Variants in ERC1 observed in about 807,000 individuals in gnomAD.
ERC1 encodes the protein ELKS/RAB6-interacting/CAST family member 1, also known as RAB6 interacting protein 2.
In ERC1, 56 loss-of-function variants were observed where a neutral mutation model predicts 132.0. The observed-to-expected ratio is 0.42, with a 90% CI of 0.34 to 0.53. The LOEUF (loss-of-function observed/expected upper bound fraction) is 0.53. Ranked by LOEUF, ERC1 falls within the 20% of genes least tolerant of loss-of-function variation. The pLI is 0.03. For synonymous variants in ERC1, 478 were observed against 476.1 expected (o/e 1.00, Z -0.05); for missense variants, 1,202 against 1,349.9 (o/e 0.89, Z 1.72).
At chr12:1,200,410 G>A (rs1029968101) in intron 12 of ERC1, among the ~76,000 whole-genome samples, 1 of 152,024 alleles carries the variant, frequency 6.6e-6, no homozygotes, top group Non-Finnish European at 1.5e-5. Context: ...CCTTTCGCTA[G>A]TAATCTCTCT....
rs12319684 is a variant in ERC1, at chr12:1,013,466, G to A, written c.-156-14282G>A. The stretch of plus-strand genomic sequence containing the variant: ...AAAAAGGCGAAATAGTAACTGACAA[G>A]TGTTAAGATTGCTCGTTTACAATTG... On this transcript the variant is annotated intron_variant, in intron 1 of 18. Transcript: ENST00000360905. Among the ~76,000 whole-genome samples, 1,107 of 152,130 alleles carry A rather than the reference G, an allele frequency of 7.3e-3. 19 individuals carry two copies. Among genetic ancestry groups the A allele is most frequent in the African/African-American group, 0.024 (993 of 41,480 alleles).
At chr12:1,343,331 C>T (rs899054264) in intron 15 of ERC1, among the ~76,000 whole-genome samples, 2 of 152,222 alleles carry the variant, frequency 1.3e-5, no homozygotes, top group African/African-American at 4.8e-5. Flanking sequence ...TAAATTAGTT[C>T]ATGGGTCATT....
At chr12:1,130,598 A>T (rs1431150663) in intron 7 of ERC1, among the ~76,000 whole-genome samples, 7 of 146,610 alleles carry the variant, frequency 4.8e-5, no homozygotes, top group African/African-American at 1.5e-4. Flanking sequence ...ATCAACATTA[A>T]TTTTTCAGAA....
Position 1,231,103 on chromosome 12 carries a change from T to C in ERC1, c.2352-5666T>C, listed in dbSNP as rs1377013648. 2.0e-5 allele frequency among the ~76,000 whole-genome samples: 3 copies of C among 152,076 alleles called. No homozygotes were observed. The East Asian group carries it at 5.8e-4, about 29-fold the overall frequency. ...ATTTTGTTGTTCTCTGTTTTGTAGGTCCTTTGTTCCTTTCTCTCTTGCTGC... is the reference window on the plus strand; with the variant it reads ...ATTTTGTTGTTCTCTGTTTTGTAGGCCCTTTGTTCCTTTCTCTCTTGCTGC... On this transcript the variant is annotated intron_variant, in intron 12 of 18. Transcript: ENST00000360905.
rs1594234974 is a variant in ERC1, at chr12:1,209,049, A to G, written c.2351+18997A>G. Among the ~76,000 whole-genome samples the G allele has an allele frequency of 2.8e-5, 4 of 143,796 alleles. 1 individual carries two copies. In the Admixed American group the frequency reaches 2.9e-4, roughly 10 times the overall value. 94.3% of individuals were successfully genotyped at this position (143,796 alleles called of 152,430 possible). On this transcript the variant is annotated intron_variant, in intron 12 of 18. Transcript: ENST00000360905. ...AGTGATGTGATCTCAGCTCACTGCA[A>G]CCTCTACCTCCCAGGTTCAGGCAAT...
intron 16 of ERC1, among the ~76,000 whole-genome samples, chr12:1,397,181 T>C (rs2090615505): frequency 1.3e-5 from 2 of 152,142 alleles, no homozygotes; most frequent in African/African-American, 4.8e-5. Context: ...GCTGTGCACA[T>C]TGGGAACTCT....
chr12:1,084,004 G>A (rs1173675876), intron 3 of ERC1, among the ~76,000 whole-genome samples: 1 of 152,148 alleles, frequency 6.6e-6, no homozygotes, highest in East Asian at 1.9e-4. Flanking sequence ...GCTTATAAAA[G>A]TCCTTGGCAG....
intron 15 of ERC1, among the ~76,000 whole-genome samples, chr12:1,332,889 CTTTTA>C (rs2082975561): frequency 6.6e-6 from 1 of 152,060 alleles, no homozygotes; most frequent in African/African-American, 2.4e-5. Context: ...TGTTTTAAAG[CTTTTA>C]TTTTAAGTAC....
At position 1,196,840 on chromosome 12, in the gene ERC1, C is replaced by G. The variant is rs537519860; in HGVS notation, c.2351+6788C>G. Reference sequence around the variant, plus strand: ...TCTCTCTCTCTCTCTCTGTCTGTCTCTCTGTCTGTCTCTCTCTCACTCTCT... The same window carrying G: ...TCTCTCTCTCTCTCTCTGTCTGTCTGTCTGTCTGTCTCTCTCTCACTCTCT... On this transcript the variant is annotated intron_variant, in intron 12 of 18. Coordinates refer to ENST00000360905, the MANE Select transcript of ERC1 (RefSeq NM_178040.4). Among the ~76,000 whole-genome samples the G allele has an allele frequency of 6.2e-3, 796 of 128,892 alleles. 30 individuals carry two copies. The highest frequency in any genetic ancestry group is 8.1e-3 in the Non-Finnish European group (479 of 59,360). The allele number at this position is 128,892 out of a possible 152,430, so 84.6% of individuals were successfully genotyped here. A position where few individuals can be genotyped will look rare whatever the true frequency, so the allele number is the denominator to read the frequency against.
chr12:1,490,528 C>G lies in ERC1; in HGVS notation c.*298C>G. ...TGGAGAACTGTGGGAGCTGGTGGCT[C>G]TGCCCTGACAGAGAGCCATGGAGCA... is the stretch of plus-strand genomic sequence containing the variant. On this transcript the variant is annotated 3_prime_UTR_variant, in exon 19 of 19. Transcript: ENST00000360905. 1 of 362,030 alleles carries G rather than the reference C, an allele frequency of 2.8e-6. No homozygotes were observed. Among genetic ancestry groups the G allele is most frequent in the African/African-American group, 2.0e-5 (1 of 50,838 alleles). The allele number at this position is 362,030 out of a possible 1,614,324, so 22.4% of individuals were successfully genotyped here.
chr12:1,202,427 G>A (rs1956995588), intron 12 of ERC1, among the ~76,000 whole-genome samples: 1 of 152,184 alleles, frequency 6.6e-6, no homozygotes, highest in Non-Finnish European at 1.5e-5. Flanking sequence ...GGAGGTGAAA[G>A]TGGGTGGATT....
intron 15 of ERC1, among the ~76,000 whole-genome samples, chr12:1,331,370 G>A (rs989677361): frequency 6.6e-6 from 1 of 152,142 alleles, no homozygotes; most frequent in African/African-American, 2.4e-5. Context: ...ATCATATTGG[G>A]TGACTATACA....
intron 2 of ERC1, among the ~76,000 whole-genome samples, chr12:1,069,733 A>G (rs1939975055): frequency 6.6e-6 from 1 of 152,244 alleles, no homozygotes; most frequent in Non-Finnish European, 1.5e-5. Context: ...CCTCATAATC[A>G]AACATACTAA....
chr12:1,143,583 A>G lies in ERC1; in HGVS notation c.1737+1796A>G, dbSNP rs187954671. On this transcript the variant is annotated intron_variant, in intron 8 of 18. Transcript: ENST00000360905. The stretch of plus-strand genomic sequence containing the variant: ...TACGTTTCTTTTTCAGAAGTGCCCT[A>G]GCTTTTTTTTTTTTCTTGGCTATTT... Among the ~76,000 whole-genome samples the G allele has an allele frequency of 3.3e-3, 478 of 143,236 alleles. 2 individuals carry two copies. The highest frequency in any genetic ancestry group is 7.0e-3 in the Middle Eastern group (2 of 286). The allele number at this position is 143,236 out of a possible 152,430, so 94.0% of individuals were successfully genotyped here. A position where few individuals can be genotyped will look rare whatever the true frequency, so the allele number is the denominator to read the frequency against.
chr12:1,228,170 T>C (rs188399575), intron 12 of ERC1, among the ~76,000 whole-genome samples: 2 of 152,332 alleles, frequency 1.3e-5, no homozygotes, highest in Admixed American at 1.3e-4. Flanking sequence ...TCTGTTTTTG[T>C]GAAACAATGC....
intron 2 of ERC1, among the ~76,000 whole-genome samples, chr12:1,049,307 A>G (rs1185946211): frequency 6.6e-6 from 1 of 152,244 alleles, no homozygotes; most frequent in African/African-American, 2.4e-5. Context: ...TGCTCATGGC[A>G]GATCATCTCT....
chr12:1,271,512 T>G (rs1306513879), intron 14 of ERC1, among the ~76,000 whole-genome samples: 2 of 152,204 alleles, frequency 1.3e-5, no homozygotes, highest in African/African-American at 4.8e-5. Flanking sequence ...AAAGAAATGT[T>G]AGCTACATTA....
intron 16 of ERC1, among the ~76,000 whole-genome samples, chr12:1,395,136 G>A (rs891405756): frequency 6.6e-6 from 1 of 152,204 alleles, no homozygotes; most frequent in Non-Finnish European, 1.5e-5. Context: ...TGTGAGATCT[G>A]TACTCCAAAG....
intron 15 of ERC1, among the ~76,000 whole-genome samples, chr12:1,365,884 C>T (rs940492994): frequency 6.6e-6 from 1 of 152,120 alleles, no homozygotes; most frequent in African/African-American, 2.4e-5. Flanking sequence ...GAATATTACT[C>T]AGCCTTGAAA....
Sources: gnomAD v4.1 joint callset for allele counts (sites outside exome capture counted in the v4.1 genomes callset) on GRCh38, gnomAD v4.1.1 for gene constraint, MANE v1.5 for transcripts, NCBI Gene and HGNC (gene_info 2026-07-23, HGNC 2026-07-21) for gene names.